Variants in GRIK2 observed in about 807,000 individuals in gnomAD.
GRIK2 encodes the protein glutamate ionotropic receptor kainate type subunit 2, also known as glutamate receptor ionotropic, kainate 2.
A neutral mutation model predicts 100.3 loss-of-function variants in GRIK2; 32 were observed. The ratio of observed to expected loss-of-function variants is 0.32; its 90% CI spans 0.24 to 0.43. GRIK2 has a LOEUF of 0.43. Ranked by LOEUF, GRIK2 falls within the 20% of genes least tolerant of loss-of-function variation. GRIK2 has a pLI of 1.00. For synonymous variants in GRIK2, 417 were observed against 389.4 expected (o/e 1.07, Z -0.83); for missense variants, 843 against 1,114.9 (o/e 0.76, Z 3.47).
intron 11 of GRIK2, among the ~76,000 whole-genome samples, chr6:101,876,520 A>C (rs1056659226): frequency 2.1e-5 from 3 of 140,978 alleles, no homozygotes; most frequent in Non-Finnish European, 4.6e-5. Flanking sequence ...CACACACACA[A>C]AACCTCATCC....
At chr6:101,520,435 G>C (rs1236671855) in intron 2 of GRIK2, among the ~76,000 whole-genome samples, 2 of 151,146 alleles carry the variant, frequency 1.3e-5, no homozygotes, top group African/African-American at 4.9e-5. Context: ...AATATATAAA[G>C]AGGACAGAGT....
chr6:101,716,333 G>T (rs1774065424), intron 7 of GRIK2, among the ~76,000 whole-genome samples: 2 of 151,462 alleles, frequency 1.3e-5, no homozygotes, highest in East Asian at 1.9e-4. Flanking sequence ...ATGAAAGAAG[G>T]CAATAAATAA....
intron 14 of GRIK2, among the ~76,000 whole-genome samples, chr6:101,979,686 C>T (rs1424780181): frequency 6.6e-6 from 1 of 151,894 alleles, no homozygotes; most frequent in Admixed American, 6.6e-5. Context: ...GAAGCTAGTT[C>T]TTCTAGCATG....
intron 2 of GRIK2, among the ~76,000 whole-genome samples, chr6:101,611,567 A>G (rs1368817110): frequency 6.6e-6 from 1 of 151,890 alleles, no homozygotes; most frequent in Non-Finnish European, 1.5e-5. Flanking sequence ...GCAACAATGA[A>G]GAAGGTTATT....
At chr6:101,648,670 A>G (rs965581502) in intron 4 of GRIK2, among the ~76,000 whole-genome samples, 6 of 152,136 alleles carry the variant, frequency 3.9e-5, no homozygotes, top group Non-Finnish European at 8.8e-5. Flanking sequence ...AAGATTGTTT[A>G]TCAACCCTTG....
intron 2 of GRIK2, among the ~76,000 whole-genome samples, chr6:101,448,118 G>T (rs1770478375): frequency 6.6e-6 from 1 of 151,566 alleles, no homozygotes; most frequent in African/African-American, 2.4e-5. Flanking sequence ...TACTGTTTTA[G>T]AGTTAGTCTA....
intron 9 of GRIK2, among the ~76,000 whole-genome samples, chr6:101,804,043 A>C (rs1780833892): frequency 6.6e-6 from 1 of 151,940 alleles, no homozygotes; most frequent in Non-Finnish European, 1.5e-5. Context: ...TGATAAGATA[A>C]TACATATTTG....
chr6:101,696,753 T>C (rs1444857028), intron 7 of GRIK2, among the ~76,000 whole-genome samples: 2 of 151,918 alleles, frequency 1.3e-5, no homozygotes, highest in Admixed American at 6.6e-5. Flanking sequence ...AGGCAGGTTA[T>C]ATATAGAAAG....
chr6:101,993,710 A>G (rs1160651490), intron 14 of GRIK2: 1 of 150,072 alleles, frequency 6.7e-6, no homozygotes, highest in African/African-American at 2.4e-5. Flanking sequence ...ATCTATGCAT[A>G]GATACTATTT....
intron 11 of GRIK2, among the ~76,000 whole-genome samples, chr6:101,859,839 T>C (rs73514655): frequency 0.011 from 1,698 of 152,304 alleles, 29 homozygotes; most frequent in African/African-American, 0.038. Context: ...AAAGGAGTTA[T>C]ATACATTTTT....
chr6:101,686,152 T>A, intron 6 of GRIK2, 28 bp from the exon 7 acceptor site: 2 of 1,593,408 alleles, frequency 1.3e-6, no homozygotes, highest in Non-Finnish European at 1.7e-6. Context: ...CTGTCCATAA[T>A]AACAACACAA....
intron 2 of GRIK2, among the ~76,000 whole-genome samples, chr6:101,418,164 G>A (rs898425837): frequency 3.9e-5 from 6 of 152,322 alleles, no homozygotes; most frequent in Middle Eastern, 3.4e-3. Flanking sequence ...ATTGCATGGT[G>A]TGTTAAGGCT....
At chr6:101,888,335 A>G (rs1004963673) in intron 11 of GRIK2, among the ~76,000 whole-genome samples, 2 of 152,194 alleles carry the variant, frequency 1.3e-5, no homozygotes, top group African/African-American at 4.8e-5. Flanking sequence ...GAAACAGGAA[A>G]TAATAGTAGG....
At chr6:101,598,592 T>TAAAAAAA (rs75603851) in intron 2 of GRIK2, among the ~76,000 whole-genome samples, 2 of 82,376 alleles carry the variant, frequency 2.4e-5, no homozygotes, top group African/African-American at 5.0e-5. Flanking sequence ...TCTTCCTTAA[T>TAAAAAAA]AAAAAAAAAA....
At chr6:101,960,048 G>GTT (rs3029100) in intron 14 of GRIK2, among the ~76,000 whole-genome samples, 34,127 of 116,210 alleles carry the variant, frequency 0.29, 5,818 homozygotes, top group South Asian at 0.38. Context: ...TTTTTTTAGT[G>GTT]TTTTGTTTTT....
chr6:102,068,417 A>T lies in GRIK2; in HGVS notation c.2633A>T (p.Lys878Met), dbSNP rs1772123716. The T allele has an allele frequency of 6.2e-7, 1 of 1,612,070 alleles. No individual in the cohort carries two copies. The highest frequency in any genetic ancestry group is 1.3e-5 in the African/African-American group (1 of 74,910). ...AAGTGCCAGCGTCGGTTAAAACATA[A>T]GCCACAGGCCCCAGTTATTGTGAAA... ...SLKCQRRLKH[K>M]PQAPVIVKTE... The change falls in exon 17 of 17, where the codon AAG becomes ATG. Residue 878 changes from lysine to methionine, a missense_variant. Coordinates refer to ENST00000369134, the MANE Select transcript of GRIK2 (RefSeq NM_021956.5).
intron 4 of GRIK2, among the ~76,000 whole-genome samples, chr6:101,669,689 A>AT (rs1262626285): frequency 1.3e-5 from 2 of 152,174 alleles, no homozygotes; most frequent in African/African-American, 4.8e-5. Flanking sequence ...ACTTCTTTGG[A>AT]TAAAAACCTT....
intron 2 of GRIK2, among the ~76,000 whole-genome samples, chr6:101,488,129 CTAA>C (rs1354007318): frequency 6.8e-6 from 1 of 146,584 alleles, no homozygotes; most frequent in Admixed American, 6.8e-5. Flanking sequence ...ATTAGTGCTT[CTAA>C]TAATAATTTT....
intron 14 of GRIK2, among the ~76,000 whole-genome samples, chr6:101,965,550 G>T (rs1442862571): frequency 6.6e-6 from 1 of 152,016 alleles, no homozygotes; most frequent in Non-Finnish European, 1.5e-5. Flanking sequence ...AAAAAGTAAT[G>T]TTTATTTTTG....
Sources: allele counts gnomAD v4.1 joint callset (sites outside exome capture counted in the v4.1 genomes callset), GRCh38; gene constraint gnomAD v4.1.1; transcripts MANE v1.5; gene names NCBI Gene and HGNC (gene_info 2026-07-23, HGNC 2026-07-21).